Variants in HTR5A observed in about 807,000 individuals in gnomAD.
The protein encoded by HTR5A is 5-hydroxytryptamine receptor 5A, also known as 5-HT-5.
A neutral mutation model predicts 24.3 loss-of-function variants in HTR5A; 21 were observed. That is an observed-to-expected ratio of 0.86 (90% CI 0.61 to 1.24). The LOEUF is 1.24. Among genes scored for constraint, HTR5A ranks in the 50% most tolerant of loss-of-function variants. The pLI, the probability that HTR5A is intolerant of heterozygous loss-of-function variation, is 0.00. For missense variants in HTR5A, 497 were observed against 489.5 expected (o/e 1.02, Z -0.15); for synonymous variants, 260 against 213.7 (o/e 1.22, Z -1.89).
At position 155,084,586 on chromosome 7, in the gene HTR5A, T is replaced by G. The variant is rs1363707263; in HGVS notation, c.*99T>G. ...CCACCCAACAGCCATGTGGACGGGATGAATCCTCACCATTCTCCAGGGTCA... is the reference window on the plus strand; with the variant it reads ...CCACCCAACAGCCATGTGGACGGGAGGAATCCTCACCATTCTCCAGGGTCA... On this transcript the variant is annotated 3_prime_UTR_variant, in exon 2 of 2. Coordinates refer to ENST00000287907, the MANE Select transcript of HTR5A (RefSeq NM_024012.4). 5.0e-6 allele frequency: 5 copies of G among 992,596 alleles called. No individual in the cohort carries two copies. In the Admixed American group the frequency reaches 9.2e-5, roughly 18 times the overall value. The allele number at this position is 992,596 out of a possible 1,614,324, so 61.5% of individuals were successfully genotyped here. A position where few individuals can be genotyped will look rare whatever the true frequency, so the allele number is the denominator to read the frequency against.
chr7:155,084,159 A>G lies in HTR5A; in HGVS notation c.746A>G (p.Lys249Arg). 6.3e-7 allele frequency: 1 copy of G among 1,599,518 alleles called. No homozygotes were observed. The highest frequency in any genetic ancestry group is 8.5e-7 in the Non-Finnish European group (1 of 1,172,626). The change falls in exon 2 of 2, where the codon AAG becomes AGG. Residue 249 changes from lysine (K) to arginine (R), a missense_variant. Physicochemically the swap from Lys to Arg is conservative, Grantham distance 26. Coordinates refer to ENST00000287907, the MANE Select transcript of HTR5A (RefSeq NM_024012.4). The stretch of plus-strand genomic sequence containing the variant: ...GCTCCTGCTTGTCTTTTACAGGTGA[A>G]GGACTCTGCCAAACAGCCCCAGATG... ...VSPISEAVEVKDSAKQPQMVF... is the reference protein window; with the variant it reads ...VSPISEAVEVRDSAKQPQMVF...
At chr7:155,079,103 T>A (rs996716849) in intron 1 of HTR5A, among the ~76,000 whole-genome samples, 3 of 152,074 alleles carry the variant, frequency 2.0e-5, no homozygotes, top group Admixed American at 2.0e-4. Context: ...CACAGGGATA[T>A]GCCACCACAC....
rs759457068 is a variant in HTR5A at position 155,084,332 on chromosome 7, A to C, written c.919A>C (p.Ile307Leu). The change falls in exon 2 of 2, where the codon ATC (isoleucine) becomes CTC (leucine). Residue 307 changes from isoleucine to leucine, a missense_variant. Physicochemically the swap from Ile to Leu is conservative, Grantham distance 5 (BLOSUM62 2). Coordinates refer to ENST00000287907, the MANE Select transcript of HTR5A (RefSeq NM_024012.4). ...CWIPFFLTELISPLCSCDIPA... is the reference protein window; with the variant it reads ...CWIPFFLTELLSPLCSCDIPA... ...GATCCCCTTCTTTCTCACCGAGCTC[A>C]TCAGTCCCCTCTGCTCCTGTGACAT... The C allele has an allele frequency of 6.2e-7, 1 of 1,614,118 alleles. No homozygotes were observed. Among genetic ancestry groups the C allele is most frequent in the African/African-American group, 1.3e-5 (1 of 75,016 alleles).
chr7:155,070,883 G>A lies in HTR5A; in HGVS notation c.-17G>A, dbSNP rs916734087. The A allele has an allele frequency of 5.0e-6, 8 of 1,587,020 alleles. No homozygotes were observed. The highest frequency in any genetic ancestry group is 1.7e-4 in the Middle Eastern group (1 of 6,028). On this transcript the variant is annotated 5_prime_UTR_variant, in exon 1 of 2. Coordinates refer to ENST00000287907, the MANE Select transcript of HTR5A (RefSeq NM_024012.4). ...ACCCCTTCTGCAAGTACCCCAGGGC[G>A]GTCTCCTGACCCAGAGATGGATTTA... is the stretch of plus-strand genomic sequence containing the variant.
chr7:155,080,768 T>A (rs902082574), intron 1 of HTR5A, among the ~76,000 whole-genome samples: 8 of 152,186 alleles, frequency 5.3e-5, no homozygotes, highest in Non-Finnish European at 1.0e-4. Flanking sequence ...CGGAGTTTAC[T>A]CAGAATGAGG....
In HTR5A at chr7:155,070,890, T is replaced by C. The variant is rs201701385; in HGVS notation, c.-10T>C. The stretch of plus-strand genomic sequence containing the variant: ...CTGCAAGTACCCCAGGGCGGTCTCC[T>C]GACCCAGAGATGGATTTACCTGTGA... On this transcript the variant is annotated 5_prime_UTR_variant, in exon 1 of 2. An upstream open reading frame in the 5' UTR loses its in-frame stop. Transcript: ENST00000287907. The C allele has an allele frequency of 3.1e-5, 49 of 1,592,202 alleles. No homozygotes were observed. In the Admixed American group the frequency reaches 8.0e-4, roughly 26 times the overall value.
Position 155,071,330 on chromosome 7 carries a change from C to G in HTR5A, c.431C>G (p.Thr144Arg). The change falls in exon 1 of 2, where the codon ACG becomes AGG. Residue 144 changes from threonine (T) to arginine (R), a missense_variant. Coordinates refer to ENST00000287907, the MANE Select transcript of HTR5A (RefSeq NM_024012.4). The stretch of plus-strand genomic sequence containing the variant: ...GCCCTGGACCGCTACTGGTCCATCA[C>G]GCGCCACATGGAATACACGCTCCGC... ...AIALDRYWSITRHMEYTLRTR... is the reference protein window; with the variant it reads ...AIALDRYWSIRRHMEYTLRTR... 2 of 1,612,800 alleles carry G rather than the reference C, an allele frequency of 1.2e-6. No individual in the cohort carries two copies. The highest frequency in any genetic ancestry group is 2.7e-5 in the African/African-American group (2 of 75,074).
chr7:155,072,769 G>A (rs1205844545), intron 1 of HTR5A, among the ~76,000 whole-genome samples: 2 of 152,208 alleles, frequency 1.3e-5, no homozygotes, highest in Non-Finnish European at 1.5e-5. Flanking sequence ...TGTGGTCTAG[G>A]GAGGGAAATA....
chr7:155,070,746 A>T lies in HTR5A; in HGVS notation c.-154A>T, dbSNP rs1459011707. ...CCATCTCCAACGGATGCTCACTAGC[A>T]GGAAATTGGGGCCAAATTCACAGGC... On this transcript the variant is annotated 5_prime_UTR_variant, in exon 1 of 2. Transcript: ENST00000287907. 6.3e-6 allele frequency: 5 copies of T among 789,034 alleles called. No homozygotes were observed. Among genetic ancestry groups the T allele is most frequent in the Non-Finnish European group, 1.0e-5 (5 of 487,158 alleles). The allele number at this position is 789,034 out of a possible 1,614,324, so 48.9% of individuals were successfully genotyped here. A position where few individuals can be genotyped will look rare whatever the true frequency, so the allele number is the denominator to read the frequency against.
chr7:155,070,629 C>A lies in HTR5A; in HGVS notation c.-271C>A. 1 of 510,730 alleles carries A rather than the reference C, an allele frequency of 2.0e-6. No individual in the cohort carries two copies. The highest frequency in any genetic ancestry group is 3.5e-6 in the Non-Finnish European group (1 of 283,238). The allele number at this position is 510,730 out of a possible 1,614,324, so 31.6% of individuals were successfully genotyped here. A position where few individuals can be genotyped will look rare whatever the true frequency, so the allele number is the denominator to read the frequency against. ...AAGGCGAGGAGCCCTGGGCTCCTGA[C>A]AGCTTAGGCGGGCCCTGGCTGCGAC... On this transcript the variant is annotated 5_prime_UTR_variant, in exon 1 of 2. Transcript: ENST00000287907.
rs1563417904 is a variant in HTR5A at position 155,071,232 on chromosome 7, G to A, written c.333G>A (p.Arg111=). ...ELSGRRWQLG[R]RLCQLWIACD... ...CCGGGCGCCGCTGGCAGCTAGGTCGGAGGCTGTGCCAGCTTTGGATCGCGT... is the reference window on the plus strand; with the variant it reads ...CCGGGCGCCGCTGGCAGCTAGGTCGAAGGCTGTGCCAGCTTTGGATCGCGT... The change falls in exon 1 of 2, where the codon CGG becomes CGA. Residue 111 remains arginine, a synonymous_variant. Coordinates refer to ENST00000287907, the MANE Select transcript of HTR5A (RefSeq NM_024012.4). 6.2e-7 allele frequency: 1 copy of A among 1,604,260 alleles called. No homozygotes were observed. Among genetic ancestry groups the A allele is most frequent in the South Asian group, 1.1e-5 (1 of 91,076 alleles).
intron 1 of HTR5A, among the ~76,000 whole-genome samples, chr7:155,079,902 G>C (rs190877641): frequency 6.6e-6 from 1 of 152,320 alleles, no homozygotes; most frequent in Admixed American, 6.5e-5. Context: ...AAGTCGACAA[G>C]TCAGGAATGC....
intron 1 of HTR5A, among the ~76,000 whole-genome samples, chr7:155,079,293 G>T (rs948709295): frequency 6.6e-6 from 1 of 152,064 alleles, no homozygotes; most frequent in Non-Finnish European, 1.5e-5. Context: ...TTAGACAAAG[G>T]TTTTAATTAA....
In HTR5A at chr7:155,071,520, C is replaced by T. The variant is rs140223816; in HGVS notation, c.621C>T (p.Gly207=). ...CCTACGCCGTGTTCTCCACCGTAGGCGCCTTCTACCTGCCGCTCTGTGTGG... is the reference window on the plus strand; with the variant it reads ...CCTACGCCGTGTTCTCCACCGTAGGTGCCTTCTACCTGCCGCTCTGTGTGG... ...EPSYAVFSTV[G]AFYLPLCVVL... is the part of the protein sequence containing the mutation. The change falls in exon 1 of 2, where the codon GGC becomes GGT. Residue 207 remains glycine (G), a synonymous_variant. Transcript: ENST00000287907. The T allele has an allele frequency of 1.4e-4, 219 of 1,614,046 alleles. 1 individual carries two copies. In the African/African-American group the frequency reaches 2.5e-3, roughly 18 times the overall value.
chr7:155,070,799 G>A lies in HTR5A; in HGVS notation c.-101G>A. 1 of 1,252,192 alleles carries A rather than the reference G, an allele frequency of 8.0e-7. No homozygotes were observed. The highest frequency in any genetic ancestry group is 1.4e-5 in the South Asian group (1 of 69,850). The allele number at this position is 1,252,192 out of a possible 1,614,324, so 77.6% of individuals were successfully genotyped here. A position where few individuals can be genotyped will look rare whatever the true frequency, so the allele number is the denominator to read the frequency against. ...TTTCCAGAAACTCCCCCACTGGCCA[G>A]AGGTTGCAAACATCCGGATTGGCTC... On this transcript the variant is annotated 5_prime_UTR_variant, in exon 1 of 2. Coordinates refer to ENST00000287907, the MANE Select transcript of HTR5A (RefSeq NM_024012.4).
At chr7:155,083,879 C>A (rs75008511) in intron 1 of HTR5A, among the ~76,000 whole-genome samples, 2,027 of 152,250 alleles carry the variant, frequency 0.013, 40 homozygotes, top group African/African-American at 0.041. Flanking sequence ...TCTGCCACTG[C>A]CTCTGTTGAA....
At chr7:155,075,281 T>TC (rs5888613) in intron 1 of HTR5A, among the ~76,000 whole-genome samples, 132,138 of 152,130 alleles carry the variant, frequency 0.87, 60,342 homozygotes, top group East Asian at 1. Flanking sequence ...TTTTTGGTCC[T>TC]CTTAATGATG....
At chr7:155,080,144 C>CA (rs1795400502) in intron 1 of HTR5A, among the ~76,000 whole-genome samples, 1 of 152,174 alleles carries the variant, frequency 6.6e-6, no homozygotes, top group Admixed American at 6.5e-5. Flanking sequence ...CACATGTAGA[C>CA]AACACACAAG....
chr7:155,079,820 A>G (rs951773183), intron 1 of HTR5A, among the ~76,000 whole-genome samples: 4 of 152,170 alleles, frequency 2.6e-5, no homozygotes, highest in African/African-American at 9.7e-5. Flanking sequence ...ACAGATGGAG[A>G]AGGGGACACA....
Sources: allele counts gnomAD v4.1 joint callset (sites outside exome capture counted in the v4.1 genomes callset), GRCh38; gene constraint gnomAD v4.1.1; transcripts MANE v1.5; gene names NCBI Gene and HGNC (gene_info 2026-07-23, HGNC 2026-07-21).